The following PDZRN3 variants were observed in gnomAD, a reference collection of about 807,000 sequenced individuals.
PDZRN3 encodes the protein E3 ubiquitin-protein ligase PDZRN3.
In PDZRN3, 38 loss-of-function variants were observed where a neutral mutation model predicts 85.7. The observed-to-expected ratio is 0.44, with a 90% CI of 0.34 to 0.58. PDZRN3 has a LOEUF of 0.58. Among genes scored for constraint, PDZRN3 ranks in the 20% least tolerant of loss-of-function variants. The pLI, the probability that PDZRN3 is intolerant of heterozygous loss-of-function variation, is 0.01. For missense variants in PDZRN3, 1,629 were observed against 1,506.4 expected, an observed-to-expected ratio of 1.08 and a Z score of -1.35; for synonymous variants, 759 against 638.0, an observed-to-expected ratio of 1.19 and a Z score of -2.86.
chr3:73,524,701 T>C (rs1218620401), intron 3 of PDZRN3, among the ~76,000 whole-genome samples: 2 of 152,196 alleles, frequency 1.3e-5, no homozygotes, highest in African/African-American at 4.8e-5. Flanking sequence ...TGTGTTTTCA[T>C]TGGCAAGCTC....
intron 3 of PDZRN3, among the ~76,000 whole-genome samples, chr3:73,452,144 GGACAAAT>G (rs1178454559): frequency 6.6e-5 from 10 of 152,148 alleles, no homozygotes; most frequent in African/African-American, 4.8e-5. Flanking sequence ...CATGTGAAGA[GGACAAAT>G]GACCTCCTGG....
intron 3 of PDZRN3, among the ~76,000 whole-genome samples, chr3:73,517,864 T>C (rs1183822178): frequency 6.6e-6 from 1 of 152,246 alleles, no homozygotes; most frequent in African/African-American, 2.4e-5. Context: ...TGATGTGGGA[T>C]ACCATACAGA....
At chr3:73,440,744 G>A (rs933677641) in intron 3 of PDZRN3, among the ~76,000 whole-genome samples, 14 of 152,358 alleles carry the variant, frequency 9.2e-5, no homozygotes, top group Admixed American at 8.5e-4. Flanking sequence ...CGCACAGTGA[G>A]TGTCTCGGGG....
chr3:73,479,316 T>C (rs894935269), intron 3 of PDZRN3, among the ~76,000 whole-genome samples: 1 of 152,118 alleles, frequency 6.6e-6, no homozygotes, highest in Non-Finnish European at 1.5e-5. Flanking sequence ...AAGAGACCAA[T>C]TAGCAGAATA....
intron 3 of PDZRN3, among the ~76,000 whole-genome samples, chr3:73,580,724 G>C (rs1702188610): frequency 6.6e-6 from 1 of 152,196 alleles, no homozygotes; most frequent in Admixed American, 6.5e-5. Flanking sequence ...TCCAGCCTAA[G>C]ACTCAAAATA....
chr3:73,554,876 G>A (rs750783646), intron 3 of PDZRN3, among the ~76,000 whole-genome samples: 15 of 152,178 alleles, frequency 9.9e-5, no homozygotes, highest in Non-Finnish European at 2.2e-4. Context: ...GAACAATTCT[G>A]TTCTAGGTGA....
At chr3:73,439,986 C>A (rs1055838856) in intron 3 of PDZRN3, among the ~76,000 whole-genome samples, 1 of 152,164 alleles carries the variant, frequency 6.6e-6, no homozygotes, top group African/African-American at 2.4e-5. Flanking sequence ...AATCCACCCA[C>A]CTCAGCCTCC....
intron 3 of PDZRN3, among the ~76,000 whole-genome samples, chr3:73,539,822 G>A (rs1439486928): frequency 1.3e-5 from 2 of 151,992 alleles, no homozygotes; most frequent in Non-Finnish European, 2.9e-5. Flanking sequence ...ATTTATTCCT[G>A]CTAGGTATAG....
intron 3 of PDZRN3, among the ~76,000 whole-genome samples, chr3:73,556,214 A>G (rs984270188): frequency 1.3e-5 from 2 of 152,216 alleles, no homozygotes; most frequent in Non-Finnish European, 2.9e-5. Context: ...AATCTATGAA[A>G]GTTTTTCATT....
chr3:73,455,676 A>T (rs1326652335), intron 3 of PDZRN3, among the ~76,000 whole-genome samples: 1 of 152,254 alleles, frequency 6.6e-6, no homozygotes, highest in African/African-American at 2.4e-5. Context: ...TACCTCTGAA[A>T]GGATGGGATG....
intron 5 of PDZRN3, among the ~76,000 whole-genome samples, chr3:73,396,681 A>C (rs1701644684): frequency 6.6e-6 from 1 of 151,176 alleles, no homozygotes; most frequent in African/African-American, 2.5e-5. Context: ...CTGAGAATAC[A>C]ATACAGGTGA....
At chr3:73,591,234 T>C (rs1229706288) in intron 3 of PDZRN3, among the ~76,000 whole-genome samples, 1 of 152,192 alleles carries the variant, frequency 6.6e-6, no homozygotes, top group Non-Finnish European at 1.5e-5. Flanking sequence ...ATATTACTCA[T>C]GAGTCATTAT....
At chr3:73,456,213 T>TGC (rs1559689027) in intron 3 of PDZRN3, among the ~76,000 whole-genome samples, 2 of 126,948 alleles carry the variant, frequency 1.6e-5, no homozygotes, top group Admixed American at 8.0e-5. Context: ...TGTGTGTGTG[T>TGC]GTGCGCGCGT....
At chr3:73,496,000 T>C (rs1703859117) in intron 3 of PDZRN3, among the ~76,000 whole-genome samples, 1 of 151,788 alleles carries the variant, frequency 6.6e-6, no homozygotes, top group Non-Finnish European at 1.5e-5. Context: ...ACCATATATC[T>C]GTTCTTAATT....
At chr3:73,583,456 G>C (rs757338139) in intron 3 of PDZRN3, among the ~76,000 whole-genome samples, 4 of 152,098 alleles carry the variant, frequency 2.6e-5, no homozygotes, top group Non-Finnish European at 5.9e-5. Flanking sequence ...CTGGTTTCCA[G>C]ACCTTTTCAC....
intron 3 of PDZRN3, among the ~76,000 whole-genome samples, chr3:73,507,160 T>C (rs993575314): frequency 5.7e-5 from 6 of 105,222 alleles, no homozygotes; most frequent in South Asian, 3.9e-4. Context: ...CATATAAGCA[T>C]AGATTTCATT....
chr3:73,599,787 T>C (rs1342798113), intron 3 of PDZRN3, among the ~76,000 whole-genome samples: 1 of 152,352 alleles, frequency 6.6e-6, no homozygotes, highest in Non-Finnish European at 1.5e-5. Flanking sequence ...ATGCCTCTTG[T>C]ATCTGGCAGC....
At chr3:73,439,926 T>C (rs909850492) in intron 3 of PDZRN3, among the ~76,000 whole-genome samples, 2 of 136,586 alleles carry the variant, frequency 1.5e-5, no homozygotes, top group Admixed American at 6.7e-5. Context: ...TTTAGTAGAG[T>C]TGGGGTTCAC....
At chr3:73,424,591 G>C (rs1361164800) in intron 3 of PDZRN3, among the ~76,000 whole-genome samples, 2 of 150,756 alleles carry the variant, frequency 1.3e-5, no homozygotes, top group Non-Finnish European at 3.0e-5. Flanking sequence ...GATACAAACT[G>C]GGAAATGTTT....
Sources: allele counts gnomAD v4.1 joint callset (sites outside exome capture counted in the v4.1 genomes callset), GRCh38; gene constraint gnomAD v4.1.1; transcripts MANE v1.5; gene names NCBI Gene and HGNC (gene_info 2026-07-23, HGNC 2026-07-21).